SPTBN4: variants seen among roughly 807,000 people sequenced by gnomAD.
SPTBN4 encodes the protein spectrin beta chain, non-erythrocytic 4.
A neutral mutation model predicts 277.8 loss-of-function variants in SPTBN4; 96 were observed. That is an observed-to-expected ratio of 0.35 (90% confidence interval 0.29 to 0.41). The LOEUF is 0.41. SPTBN4 is among the 10% of genes least tolerant of loss of function. The probability of loss-of-function intolerance (pLI) is 1.00; values close to 1 mark genes in which losing one functional copy is unlikely to be tolerated. For synonymous variants in SPTBN4, 1,481 were observed against 1,580.3 expected (o/e 0.94, Z 1.49); for missense variants, 3,006 against 3,595.7 (o/e 0.84, Z 4.19).
At position 40,491,020 on chromosome 19, in the gene SPTBN4, C is replaced by A. The variant is rs115227432; in HGVS notation, c.495+772C>A. ...TCATGCCACTGCACTCCAGCCTAGACAACAGTGAGACCATGACTTAAAAGA... is the reference window on the plus strand; with the variant it reads ...TCATGCCACTGCACTCCAGCCTAGAAAACAGTGAGACCATGACTTAAAAGA... On this transcript the variant is annotated intron_variant, in intron 4 of 35. Coordinates refer to ENST00000598249, the MANE Select transcript of SPTBN4 (RefSeq NM_020971.3). Among the ~76,000 whole-genome samples, 904 of 151,678 alleles carry A rather than the reference C, an allele frequency of 6.0e-3. 11 individuals carry two copies. Among genetic ancestry groups the A allele is most frequent in the African/African-American group, 0.021 (860 of 41,342 alleles).
chr19:40,490,101 G>T lies in SPTBN4; in HGVS notation c.348G>T (p.Arg116=), dbSNP rs140501982. ...QLPRPTRGRM[R]IHSLENVDKA... is the part of the protein sequence containing the mutation. ...CCAGGCCCACGCGCGGCCGCATGCGGATCCACTCACTGGAGAACGTGGACA... is the reference window on the plus strand; with the variant it reads ...CCAGGCCCACGCGCGGCCGCATGCGTATCCACTCACTGGAGAACGTGGACA... The change falls in exon 4 of 36, where the codon CGG becomes CGT. Residue 116 remains arginine, a synonymous_variant. Coordinates refer to ENST00000598249, the MANE Select transcript of SPTBN4 (RefSeq NM_020971.3). The surrounding 1 kb of genome is among the most constrained non-coding windows in gnomAD (Gnocchi z 4.3). 1 of 1,613,408 alleles carries T rather than the reference G, an allele frequency of 6.2e-7. No individual in the cohort carries two copies. The highest frequency in any genetic ancestry group is 8.5e-7 in the Non-Finnish European group (1 of 1,179,568).
At chr19:40,558,093 C>T (rs1322386782) in intron 26 of SPTBN4, among the ~76,000 whole-genome samples, 3 of 152,016 alleles carry the variant, frequency 2.0e-5, no homozygotes, top group Admixed American at 1.3e-4. Flanking sequence ...GGTGCGGTGG[C>T]TCACGCCTGT....
chr19:40,565,627 C>T (rs1229740124), intron 28 of SPTBN4, 34 bp from the exon 29 acceptor site: 2 of 1,559,656 alleles, frequency 1.3e-6, no homozygotes, highest in Admixed American at 1.9e-5. Flanking sequence ...CATTCCACAC[C>T]CTGACTTCCC....
In SPTBN4 at chr19:40,497,534, C is replaced by T; in HGVS notation, c.714C>T (p.Asn238=). Residue 238 remains asparagine (N), a synonymous_variant, in exon 7 of 36, where the codon AAC becomes AAT. Coordinates refer to ENST00000598249, the MANE Select transcript of SPTBN4 (RefSeq NM_020971.3). The stretch of plus-strand genomic sequence containing the variant: ...GCAAACTCACCAAGTCCAATGCCAA[C>T]TACAACCTGCAGAGAGCCTTCCGCA... ...DFSKLTKSNA[N]YNLQRAFRTA... is the part of the protein sequence containing the mutation. 1 of 1,614,194 alleles carries T rather than the reference C, an allele frequency of 6.2e-7. No homozygotes were observed. The highest frequency in any genetic ancestry group is 8.5e-7 in the Non-Finnish European group (1 of 1,180,038).
intron 35 of SPTBN4, among the ~76,000 whole-genome samples, chr19:40,573,158 A>G (rs1873060684): frequency 6.6e-6 from 1 of 152,054 alleles, no homozygotes; most frequent in Admixed American, 6.6e-5. Flanking sequence ...TAATAATAAT[A>G]ATAAATTAGC....
intron 2 of SPTBN4, among the ~76,000 whole-genome samples, chr19:40,486,216 G>A (rs2145821449): frequency 6.6e-6 from 1 of 152,188 alleles, no homozygotes. Context: ...ACCTGAGGCT[G>A]GGAGGCAGAG....
chr19:40,529,166 C>A, intron 18 of SPTBN4, 35 bp downstream of exon 18: 1 of 1,588,554 alleles, frequency 6.3e-7, no homozygotes, highest in East Asian at 2.2e-5. Flanking sequence ...ACGGAGACAT[C>A]CCCTTTAGTC....
chr19:40,529,246 T>C, intron 18 of SPTBN4, 115 bp downstream of exon 18: 1 of 1,030,558 alleles, frequency 9.7e-7, no homozygotes. Flanking sequence ...GGAGCGATGC[T>C]CGCTCTAAGC....
chr19:40,474,887 C>T (rs1023584064), intron 2 of SPTBN4, among the ~76,000 whole-genome samples: 3 of 151,930 alleles, frequency 2.0e-5, no homozygotes, highest in South Asian at 2.1e-4. Flanking sequence ...AGCTTAACTC[C>T]GTCTCAAAAC....
chr19:40,472,346 A>G (rs1043088116), intron 1 of SPTBN4, among the ~76,000 whole-genome samples: 2 of 148,326 alleles, frequency 1.3e-5, no homozygotes, highest in African/African-American at 5.0e-5. Flanking sequence ...CGCCTGGCTT[A>G]TTTTTATTTT....
At chr19:40,540,909 A>G (rs1364063744) in intron 20 of SPTBN4, among the ~76,000 whole-genome samples, 1 of 150,964 alleles carries the variant, frequency 6.6e-6, no homozygotes, top group African/African-American at 2.4e-5. Flanking sequence ...TCTTTAGCTC[A>G]CTTGCTTTTG....
At chr19:40,487,654 G>T in intron 2 of SPTBN4, 43 bp from the exon 3 acceptor site, 1 of 1,575,646 alleles carries the variant, frequency 6.3e-7, no homozygotes, top group South Asian at 1.2e-5. Context: ...GGGCTGGGGT[G>T]AAGGTGGAAG....
At position 40,532,572 on chromosome 19, in the gene SPTBN4, G is replaced by A. The variant is rs2080688687; in HGVS notation, c.3949-53G>A. 5 of 1,574,630 alleles carry A rather than the reference G, an allele frequency of 3.2e-6. No individual in the cohort carries two copies. The East Asian group carries it at 6.8e-5, about 22-fold the overall frequency. On this transcript the variant is annotated intron_variant, in intron 18 of 35. Coordinates refer to ENST00000598249, the MANE Select transcript of SPTBN4 (RefSeq NM_020971.3). ...CCTGGGACTTCCTGAAGGGATGGGG[G>A]GCTGTGGCAGGTTGAGGGGACCAGC...
In SPTBN4 at chr19:40,513,400, G is replaced by T; in HGVS notation, c.2611G>T (p.Ala871Ser). ...QLFAEVTEVAALRRQWLRDAL... is the reference protein window; with the variant it reads ...QLFAEVTEVASLRRQWLRDAL... ...GTTCGCTGAGGTGACCGAAGTGGCGGCGCTGAGGCGCCAGTGGCTGCGGGA... is the reference window on the plus strand; with the variant it reads ...GTTCGCTGAGGTGACCGAAGTGGCGTCGCTGAGGCGCCAGTGGCTGCGGGA... Residue 871 changes from alanine to serine, a missense_variant, in exon 14 of 36, where the codon GCG (alanine) becomes TCG (serine). Physicochemically the swap from Ala to Ser is moderately conservative, Grantham distance 99 (BLOSUM62 1). Transcript: ENST00000598249. 1 of 1,604,836 alleles carries T rather than the reference G, an allele frequency of 6.2e-7. No individual in the cohort carries two copies. Among genetic ancestry groups the T allele is most frequent in the Middle Eastern group, 1.7e-4 (1 of 6,052 alleles).
In SPTBN4 at chr19:40,515,923, A is replaced by ATATATACACACATATATACG. The variant is rs1307170964; in HGVS notation, c.2903+482_2903+501dup. 9.4e-6 allele frequency among the ~76,000 whole-genome samples: 1 copy of ATATATACACACATATATACG among 105,932 alleles called. No individual in the cohort carries two copies. Among genetic ancestry groups the ATATATACACACATATATACG allele is most frequent in the Non-Finnish European group, 1.8e-5 (1 of 55,132 alleles). 69.5% of individuals were successfully genotyped at this position (105,932 alleles called of 152,430 possible). ...ACAAAATATATATATACACACACAT[A>ATATATACACACATATATACG]TATATACACACATATATACGTATAT... is the stretch of plus-strand genomic sequence containing the variant. On this transcript the variant is annotated intron_variant, in intron 15 of 35. Coordinates refer to ENST00000598249, the MANE Select transcript of SPTBN4 (RefSeq NM_020971.3). This position sits in a 1 kb window ranked among gnomAD's most constrained non-coding sequence, Gnocchi z 4.1.
intron 5 of SPTBN4, among the ~76,000 whole-genome samples, chr19:40,494,225 A>G (rs1038970933): frequency 6.6e-6 from 1 of 152,076 alleles, no homozygotes; most frequent in African/African-American, 2.4e-5. Flanking sequence ...AAAGGAGATC[A>G]TGGGGACTTT....
chr19:40,521,071 C>T (rs766759343), intron 16 of SPTBN4, among the ~76,000 whole-genome samples: 5 of 152,044 alleles, frequency 3.3e-5, no homozygotes, highest in Non-Finnish European at 7.4e-5. Context: ...ACTACAGGCG[C>T]GAGCCACCAT....
chr19:40,494,649 A>G lies in SPTBN4; in HGVS notation c.588-248A>G, dbSNP rs1045897681. On this transcript the variant is annotated intron_variant, in intron 5 of 35. Transcript: ENST00000598249. ...CTATCAATCTATCTATCACCTATTT[A>G]TCATCTATCTATGTATCTACCTATC... Among the ~76,000 whole-genome samples the G allele has an allele frequency of 1.8e-4, 27 of 151,688 alleles. 1 individual carries two copies. The highest frequency in any genetic ancestry group is 6.3e-4 in the African/African-American group (26 of 41,228).
At chr19:40,495,092 C>T in intron 6 of SPTBN4, 115 bp downstream of exon 6, 2 of 926,070 alleles carry the variant, frequency 2.2e-6, no homozygotes, top group Admixed American at 2.1e-5. Context: ...AGACCCATCC[C>T]TTCACCTCTA....
Sources: gnomAD v4.1 joint callset for allele counts (sites outside exome capture counted in the v4.1 genomes callset) on GRCh38, gnomAD v4.1.1 for gene constraint, Gnocchi (gnomAD v3.1) non-coding constraint, MANE v1.5 for transcripts, NCBI Gene and HGNC (gene_info 2026-07-23, HGNC 2026-07-21) for gene names.